AGBL4: variants seen among roughly 807,000 people sequenced by gnomAD.
AGBL4 encodes the protein AGBL carboxypeptidase 4.
A neutral mutation model predicts 66.4 loss-of-function variants in AGBL4; 58 were observed. The ratio of observed to expected loss-of-function variants is 0.87; its 90% CI spans 0.71 to 1.09. AGBL4 has a LOEUF of 1.09. Among genes scored for constraint, AGBL4 ranks in the 50% least tolerant of loss-of-function variants. The pLI is 0.00. For missense variants in AGBL4, 579 were observed against 631.0 expected, an observed-to-expected ratio of 0.92 and a Z score of 0.88; for synonymous variants, 234 against 222.9, an observed-to-expected ratio of 1.05 and a Z score of -0.44.
chr1:49,907,797 A>G (rs1417193314), intron 1 of AGBL4, among the ~76,000 whole-genome samples: 1 of 152,140 alleles, frequency 6.6e-6, no homozygotes, highest in Non-Finnish European at 1.5e-5. Flanking sequence ...TCAAGAGTTA[A>G]TCCTAATGTA....
chr1:49,915,230 AG>A (rs1443867144), intron 1 of AGBL4, among the ~76,000 whole-genome samples: 1 of 152,096 alleles, frequency 6.6e-6, no homozygotes, highest in African/African-American at 2.4e-5. Context: ...CATGTTGGAC[AG>A]TGGGTGCAGG....
intron 12 of AGBL4, 87 bp from the exon 13 acceptor site, chr1:48,535,003 AG>A: frequency 3.1e-6 from 4 of 1,280,964 alleles, no homozygotes; most frequent in Non-Finnish European, 4.4e-6. Flanking sequence ...CTGTCATTGA[AG>A]GATGTTGTTT....
chr1:48,615,131 G>A (rs548433283), intron 9 of AGBL4, among the ~76,000 whole-genome samples: 3 of 152,138 alleles, frequency 2.0e-5, no homozygotes, highest in Admixed American at 1.3e-4. Flanking sequence ...AACAGGAGTG[G>A]CAATATGAAT....
chr1:48,761,372 A>C, intron 6 of AGBL4: 1 of 1,552,000 alleles, frequency 6.4e-7, no homozygotes, highest in South Asian at 1.2e-5. Flanking sequence ...TCTTCCCCAT[A>C]ATCTTTAACC....
chr1:49,568,487 T>G (rs868182553), intron 3 of AGBL4, among the ~76,000 whole-genome samples: 1 of 131,206 alleles, frequency 7.6e-6, no homozygotes, highest in Non-Finnish European at 1.6e-5. Context: ...AAATAAGTGA[T>G]CACACACACA....
chr1:49,763,690 A>G, intron 2 of AGBL4, among the ~76,000 whole-genome samples: 1 of 152,196 alleles, frequency 6.6e-6, no homozygotes, highest in East Asian at 1.9e-4. Context: ...AATTCTGGGC[A>G]CAGGATAACC....
chr1:49,877,393 T>C (rs1020735344), intron 1 of AGBL4, among the ~76,000 whole-genome samples: 4 of 152,002 alleles, frequency 2.6e-5, no homozygotes, highest in African/African-American at 9.7e-5. Flanking sequence ...TGTCAAAGGC[T>C]TTTTCTGCAT....
At chr1:49,840,653 T>G (rs893299088) in intron 2 of AGBL4, among the ~76,000 whole-genome samples, 3 of 152,004 alleles carry the variant, frequency 2.0e-5, no homozygotes, top group Admixed American at 2.0e-4. Context: ...CAACAGCCCA[T>G]CAAAAAGCTA....
chr1:49,102,615 T>C (rs144257375), intron 4 of AGBL4, among the ~76,000 whole-genome samples: 155 of 152,340 alleles, frequency 1.0e-3, no homozygotes, highest in African/African-American at 3.6e-3. Context: ...GTATAGTTAT[T>C]GACACATAAT....
intron 6 of AGBL4, among the ~76,000 whole-genome samples, chr1:48,700,756 T>C (rs935813738): frequency 2.6e-5 from 4 of 152,178 alleles, no homozygotes; most frequent in Non-Finnish European, 5.9e-5. Context: ...CACTACCTCA[T>C]CTAATCCCCA....
chr1:49,427,616 C>T (rs188847881), intron 3 of AGBL4, among the ~76,000 whole-genome samples: 26 of 152,244 alleles, frequency 1.7e-4, no homozygotes, highest in Admixed American at 7.8e-4. Flanking sequence ...CCGGTGGGTT[C>T]GTGGTCTCAG....
At chr1:49,572,199 T>C (rs1167097852) in intron 3 of AGBL4, among the ~76,000 whole-genome samples, 1 of 152,174 alleles carries the variant, frequency 6.6e-6, no homozygotes. Flanking sequence ...ACATAGGCTA[T>C]GGGGCTTCTT....
intron 2 of AGBL4, among the ~76,000 whole-genome samples, chr1:49,774,016 G>A (rs575806298): frequency 6.6e-5 from 10 of 152,318 alleles, no homozygotes; most frequent in African/African-American, 1.9e-4. Context: ...GAATGGTTTA[G>A]TGGCTACTGG....
At chr1:49,434,636 A>G (rs533050971) in intron 3 of AGBL4, among the ~76,000 whole-genome samples, 1 of 151,838 alleles carries the variant, frequency 6.6e-6, no homozygotes, top group South Asian at 2.1e-4. Flanking sequence ...TTGCTATTCC[A>G]GCAAATTGCT....
chr1:49,957,199 G>A (rs1028408185), intron 1 of AGBL4, among the ~76,000 whole-genome samples: 1 of 151,886 alleles, frequency 6.6e-6, no homozygotes, highest in Non-Finnish European at 1.5e-5. Context: ...AACAAGAATG[G>A]GCACAGTGGA....
chr1:49,556,210 T>C (rs1643892908), intron 3 of AGBL4, among the ~76,000 whole-genome samples: 1 of 152,246 alleles, frequency 6.6e-6, no homozygotes, highest in African/African-American at 2.4e-5. Flanking sequence ...TAAAAAATGA[T>C]GAGTTCATGT....
chr1:49,361,469 T>A (rs2148536261), intron 3 of AGBL4, among the ~76,000 whole-genome samples: 1 of 152,210 alleles, frequency 6.6e-6, no homozygotes, highest in African/African-American at 2.4e-5. Flanking sequence ...GGACTACAGG[T>A]GCCCACCATC....
intron 3 of AGBL4, among the ~76,000 whole-genome samples, chr1:49,445,900 A>G (rs1044088664): frequency 2.6e-5 from 4 of 152,036 alleles, no homozygotes; most frequent in Non-Finnish European, 4.4e-5. Context: ...CACCCAGGCT[A>G]AAGTGCAGTG....
chr1:49,720,821 A>T (rs1571402799), intron 2 of AGBL4, among the ~76,000 whole-genome samples: 1 of 152,332 alleles, frequency 6.6e-6, no homozygotes, highest in Non-Finnish European at 1.5e-5. Context: ...TAAAATTAAA[A>T]GACTAACATA....
Sources: gnomAD v4.1 joint callset for allele counts (sites outside exome capture counted in the v4.1 genomes callset) on GRCh38, gnomAD v4.1.1 for gene constraint, MANE v1.5 for transcripts, NCBI Gene and HGNC (gene_info 2026-07-23, HGNC 2026-07-21) for gene names.